RASAL2: variants seen among roughly 807,000 people sequenced by gnomAD.
RASAL2 encodes RAS protein activator like 2, also known as ras GTPase-activating protein nGAP.
RASAL2 carries 58 observed loss-of-function variants against 128.9 expected under a neutral mutation model. The ratio of observed to expected loss-of-function variants is 0.45; its 90% CI spans 0.36 to 0.56. RASAL2 has a LOEUF of 0.56. RASAL2 is among the 20% of genes least tolerant of loss of function. RASAL2 has a pLI of 0.00. For missense variants in RASAL2, 1,360 were observed against 1,601.6 expected (o/e 0.85, Z 2.57); for synonymous variants, 561 against 580.8 (o/e 0.97, Z 0.49).
intron 2 of RASAL2, among the ~76,000 whole-genome samples, chr1:178,285,968 T>A (rs1667006180): frequency 6.6e-6 from 1 of 152,178 alleles, no homozygotes; most frequent in Non-Finnish European, 1.5e-5. Context: ...CCATGATAAA[T>A]AATTTTCTAA....
chr1:178,371,351 C>CACACACACACACACACAA (rs1192709246), intron 3 of RASAL2, among the ~76,000 whole-genome samples: 2 of 113,030 alleles, frequency 1.8e-5, no homozygotes, highest in South Asian at 5.2e-4. Flanking sequence ...CACACACACA[C>CACACACACACACACACAA]AAATACACAC....
chr1:178,406,089 T>C (rs1673981952), intron 4 of RASAL2, among the ~76,000 whole-genome samples: 2 of 152,212 alleles, frequency 1.3e-5, no homozygotes, highest in African/African-American at 4.8e-5. Flanking sequence ...TTTGTGAATT[T>C]CCAACCAAGC....
chr1:178,433,638 C>T (rs1676068945), intron 5 of RASAL2, among the ~76,000 whole-genome samples: 1 of 152,052 alleles, frequency 6.6e-6, no homozygotes, highest in African/African-American at 2.4e-5. Context: ...TGTTGCCAAG[C>T]ATGTTGGCTC....
At chr1:178,278,536 T>G (rs1666633065) in intron 1 of RASAL2, among the ~76,000 whole-genome samples, 1 of 152,196 alleles carries the variant, frequency 6.6e-6, no homozygotes, top group Non-Finnish European at 1.5e-5. Context: ...ATGTCAGAAT[T>G]TTTAAAAACA....
At chr1:178,398,136 T>C (rs138478117) in intron 4 of RASAL2, among the ~76,000 whole-genome samples, 209 of 152,240 alleles carry the variant, frequency 1.4e-3, no homozygotes, top group African/African-American at 4.2e-3. Flanking sequence ...TTTTAGTTAA[T>C]CGTTTCTGAT....
chr1:178,124,325 G>T (rs1659817013), intron 1 of RASAL2, among the ~76,000 whole-genome samples: 1 of 152,138 alleles, frequency 6.6e-6, no homozygotes, highest in South Asian at 2.1e-4. Context: ...GTCACAACTG[G>T]AGTAGGGGGG....
intron 1 of RASAL2, among the ~76,000 whole-genome samples, chr1:178,269,598 G>C (rs1450255144): frequency 6.6e-6 from 1 of 152,152 alleles, no homozygotes; most frequent in Non-Finnish European, 1.5e-5. Flanking sequence ...AACCAAAATG[G>C]TGACGAGCGT....
At chr1:178,133,793 C>G (rs1420959392) in intron 1 of RASAL2, among the ~76,000 whole-genome samples, 1 of 152,182 alleles carries the variant, frequency 6.6e-6, no homozygotes, top group African/African-American at 2.4e-5. Context: ...GCCTCTCTTT[C>G]TTACTGTACT....
At chr1:178,286,910 A>G (rs1230603942) in intron 2 of RASAL2, among the ~76,000 whole-genome samples, 1 of 152,140 alleles carries the variant, frequency 6.6e-6, no homozygotes, top group African/African-American at 2.4e-5. Flanking sequence ...CAACTCCTTC[A>G]TATTCACAAT....
At chr1:178,453,069 G>A (rs58819834) in intron 11 of RASAL2, among the ~76,000 whole-genome samples, 6,309 of 152,124 alleles carry the variant, frequency 0.041, 418 homozygotes, top group African/African-American at 0.14. Flanking sequence ...CGGTTACAAT[G>A]TCTAAGACAA....
intron 2 of RASAL2, among the ~76,000 whole-genome samples, chr1:178,295,344 C>G (rs1448773737): frequency 2.6e-5 from 4 of 151,900 alleles, no homozygotes; most frequent in African/African-American, 9.7e-5. Context: ...ACCTATTGAC[C>G]TGTCCTCTAA....
chr1:178,330,490 TG>T (rs1467055955), intron 3 of RASAL2, among the ~76,000 whole-genome samples: 2 of 152,226 alleles, frequency 1.3e-5, no homozygotes, highest in African/African-American at 4.8e-5. Context: ...AACAAAAGAC[TG>T]AACAGTGAAC....
chr1:178,159,087 TAAC>T (rs1661184541), intron 1 of RASAL2, among the ~76,000 whole-genome samples: 1 of 152,198 alleles, frequency 6.6e-6, no homozygotes, highest in Non-Finnish European at 1.5e-5. Flanking sequence ...AGAATATAAA[TAAC>T]AAATACTTTA....
chr1:178,407,212 G>A (rs976265931), intron 4 of RASAL2, among the ~76,000 whole-genome samples: 33 of 152,152 alleles, frequency 2.2e-4, no homozygotes, highest in African/African-American at 7.7e-4. Flanking sequence ...TGTTATTCTT[G>A]TCATCTACAG....
intron 3 of RASAL2, among the ~76,000 whole-genome samples, chr1:178,307,402 C>T (rs1424203688): frequency 3.3e-5 from 5 of 152,084 alleles, no homozygotes; most frequent in Non-Finnish European, 7.4e-5. Context: ...GTAACAGTAT[C>T]CAGATTTTAA....
At chr1:178,137,871 T>C (rs1255749528) in intron 1 of RASAL2, among the ~76,000 whole-genome samples, 1 of 152,220 alleles carries the variant, frequency 6.6e-6, no homozygotes, top group Non-Finnish European at 1.5e-5. Context: ...TGTGGAAGAA[T>C]ATATAAAGAA....
chr1:178,242,061 G>T (rs1379069570), intron 1 of RASAL2, among the ~76,000 whole-genome samples: 4 of 151,998 alleles, frequency 2.6e-5, no homozygotes, highest in African/African-American at 9.7e-5. Flanking sequence ...TATCTCTTTG[G>T]GTAGTTTTCT....
chr1:178,229,404 T>C (rs534299237), intron 1 of RASAL2, among the ~76,000 whole-genome samples: 2 of 152,302 alleles, frequency 1.3e-5, no homozygotes, highest in Non-Finnish European at 2.9e-5. Context: ...TCTTTGAAAC[T>C]GAACAATTCC....
chr1:178,313,418 AAAGAG>A (rs1369711844), intron 3 of RASAL2, among the ~76,000 whole-genome samples: 2 of 152,084 alleles, frequency 1.3e-5, no homozygotes, highest in African/African-American at 4.8e-5. Flanking sequence ...AAATGTGTTA[AAAGAG>A]GAGGGCTGGG....
Sources: allele counts gnomAD v4.1 joint callset (sites outside exome capture counted in the v4.1 genomes callset), GRCh38; gene constraint gnomAD v4.1.1; transcripts MANE v1.5; gene names NCBI Gene and HGNC (gene_info 2026-07-23, HGNC 2026-07-21).